SETBP1: variants seen among roughly 807,000 people sequenced by gnomAD.
The protein encoded by SETBP1 is SET-binding protein.
A neutral mutation model predicts 101.0 loss-of-function variants in SETBP1; 9 were observed. The observed-to-expected ratio is 0.09, with a 90% CI of 0.05 to 0.16. The LOEUF (loss-of-function observed/expected upper bound fraction) is 0.16, where lower values mean the gene tolerates loss of function less well. SETBP1 is among the 10% of genes least tolerant of loss of function. SETBP1 has a pLI of 1.00. For missense variants in SETBP1, 1,858 were observed against 2,033.8 expected (o/e 0.91, Z 1.66); for synonymous variants, 818 against 788.5 (o/e 1.04, Z -0.63).
chr18:44,813,420 T>A (rs993018536), intron 2 of SETBP1, among the ~76,000 whole-genome samples: 1 of 152,072 alleles, frequency 6.6e-6, no homozygotes, highest in Non-Finnish European at 1.5e-5. Context: ...AAGAAGCCAA[T>A]AGCCCACTCA....
intron 3 of SETBP1, chr18:44,871,897 G>A (rs886788971): frequency 2.6e-5 from 4 of 152,236 alleles, no homozygotes; most frequent in Non-Finnish European, 5.9e-5. Context: ...TTCTTCTAGA[G>A]TCAGGCCTGG....
At chr18:44,959,235 C>T (rs965407411) in intron 4 of SETBP1, among the ~76,000 whole-genome samples, 4 of 152,174 alleles carry the variant, frequency 2.6e-5, no homozygotes, top group Non-Finnish European at 5.9e-5. Flanking sequence ...TGGATCCTTT[C>T]TTGGCTGGAG....
At chr18:44,960,608 C>T (rs940581110) in intron 4 of SETBP1, among the ~76,000 whole-genome samples, 12 of 152,142 alleles carry the variant, frequency 7.9e-5, no homozygotes, top group Admixed American at 2.0e-4. Flanking sequence ...CCTCCCAAAG[C>T]GCTGGAATTA....
intron 1 of SETBP1, 111 bp from the exon 2 acceptor site, chr18:44,701,064 C>T (rs941199087): frequency 6.1e-6 from 2 of 328,278 alleles, no homozygotes; most frequent in Non-Finnish European, 1.1e-5. Context: ...TCCATCATTT[C>T]TTTTTTCCGG....
At chr18:44,721,922 G>A (rs538910207) in intron 2 of SETBP1, among the ~76,000 whole-genome samples, 1 of 152,180 alleles carries the variant, frequency 6.6e-6, no homozygotes, top group East Asian at 1.9e-4. Flanking sequence ...TTCCTTGTTT[G>A]TTCAGGCTCC....
intron 1 of SETBP1, among the ~76,000 whole-genome samples, chr18:44,693,048 CCATGGTGTAGAG>C (rs1384721185): frequency 2.0e-5 from 3 of 152,148 alleles, no homozygotes; most frequent in African/African-American, 7.2e-5. Context: ...GGTCAGAGAA[CCATGGTGTAGAG>C]CTGCCCTTGC....
chr18:44,996,838 G>A (rs1348105836), intron 4 of SETBP1, among the ~76,000 whole-genome samples: 2 of 152,246 alleles, frequency 1.3e-5, no homozygotes, highest in East Asian at 3.9e-4. Context: ...GAAGACAAAG[G>A]GAAAGAAGGA....
intron 3 of SETBP1, among the ~76,000 whole-genome samples, chr18:44,905,289 C>CA (rs991575847): frequency 6.6e-6 from 1 of 151,702 alleles, no homozygotes; most frequent in Non-Finnish European, 1.5e-5. Flanking sequence ...TTGTCCTGGG[C>CA]AAAAAAGATA....
At chr18:44,883,291 T>A (rs1035910010) in intron 3 of SETBP1, among the ~76,000 whole-genome samples, 2 of 152,248 alleles carry the variant, frequency 1.3e-5, no homozygotes, top group Non-Finnish European at 2.9e-5. Context: ...ATCCTTTGTC[T>A]GCCCTCTTGA....
chr18:44,865,354 G>A (rs891572661), intron 2 of SETBP1, among the ~76,000 whole-genome samples: 5 of 152,108 alleles, frequency 3.3e-5, no homozygotes, highest in African/African-American at 7.2e-5. Context: ...CACAGTGCAC[G>A]CCCTTTGTCT....
intron 3 of SETBP1, among the ~76,000 whole-genome samples, chr18:44,902,747 A>T (rs1241814738): frequency 2.0e-5 from 3 of 152,116 alleles, no homozygotes; most frequent in Non-Finnish European, 2.9e-5. Context: ...AACTCTTTTT[A>T]CCTCTTTATG....
At chr18:44,846,288 C>G (rs2072723193) in intron 2 of SETBP1, among the ~76,000 whole-genome samples, 1 of 152,198 alleles carries the variant, frequency 6.6e-6, no homozygotes, top group Non-Finnish European at 1.5e-5. Flanking sequence ...AATTCACATA[C>G]TACAAAATTC....
At chr18:45,058,304 A>G (rs546747380) in intron 5 of SETBP1, among the ~76,000 whole-genome samples, 1 of 152,336 alleles carries the variant, frequency 6.6e-6, no homozygotes, top group South Asian at 2.1e-4. Flanking sequence ...ATTTAGAGGG[A>G]CAGTGAAATC....
chr18:44,718,432 G>A (rs546801658), intron 2 of SETBP1, among the ~76,000 whole-genome samples: 4 of 152,172 alleles, frequency 2.6e-5, no homozygotes, highest in African/African-American at 9.6e-5. Flanking sequence ...TTTGATTTCA[G>A]AACAGTGGGC....
chr18:44,692,686 C>A (rs1480356688), intron 1 of SETBP1, among the ~76,000 whole-genome samples: 4 of 152,092 alleles, frequency 2.6e-5, no homozygotes, highest in African/African-American at 7.2e-5. Flanking sequence ...TGTCTGTGCA[C>A]ATGTGTATGC....
At chr18:44,813,373 A>T (rs973567960) in intron 2 of SETBP1, among the ~76,000 whole-genome samples, 1 of 152,114 alleles carries the variant, frequency 6.6e-6, no homozygotes, top group Non-Finnish European at 1.5e-5. Context: ...ACTCTTCTTC[A>T]TGATGGGGAG....
In SETBP1 at chr18:44,701,695, C is replaced by A; in HGVS notation, c.349C>A (p.Pro117Thr). 1.2e-6 allele frequency: 2 copies of A among 1,614,152 alleles called. No individual in the cohort carries two copies. The highest frequency in any genetic ancestry group is 1.7e-6 in the Non-Finnish European group (2 of 1,180,016). ...IQTTKRAKKP[P>T]KNLENYICPP... is the part of the protein sequence containing the mutation. ...GACCACAAAGCGGGCTAAGAAACCC[C>A]CAAAGAATTTGGAGAACTATATATG... The change falls in exon 2 of 6, where the codon CCA (proline) becomes ACA (threonine). Residue 117 changes from proline (P) to threonine (T), a missense_variant. Pro to Thr is a conservative substitution (Grantham distance 38). Transcript: ENST00000649279.
intron 2 of SETBP1, among the ~76,000 whole-genome samples, chr18:44,723,207 C>G (rs1028422191): frequency 6.6e-6 from 1 of 152,218 alleles, no homozygotes; most frequent in Non-Finnish European, 1.5e-5. Flanking sequence ...TTTTCCTTCT[C>G]CTTCTCTTCC....
chr18:44,838,588 C>T (rs184566601), intron 2 of SETBP1, among the ~76,000 whole-genome samples: 3 of 152,204 alleles, frequency 2.0e-5, no homozygotes, highest in Admixed American at 2.0e-4. Context: ...ACAGGTGTAC[C>T]ATTTACATCA....
Sources: gnomAD v4.1 joint callset for allele counts (sites outside exome capture counted in the v4.1 genomes callset) on GRCh38, gnomAD v4.1.1 for gene constraint, MANE v1.5 for transcripts, NCBI Gene and HGNC (gene_info 2026-07-23, HGNC 2026-07-21) for gene names.